BRWD1: variants seen among roughly 807,000 people sequenced by gnomAD.
The protein encoded by BRWD1 is bromodomain and WD repeat domain containing 1.
In BRWD1, 82 loss-of-function variants were observed where a neutral mutation model predicts 251.2. That is an observed-to-expected ratio of 0.33 (90% CI 0.27 to 0.39). The LOEUF (loss-of-function observed/expected upper bound fraction) is 0.39, where lower values mean the gene tolerates loss of function less well. Ranked by LOEUF, BRWD1 falls within the 10% of genes least tolerant of loss-of-function variation. The pLI is 1.00. For synonymous variants in BRWD1, 918 were observed against 902.8 expected, an observed-to-expected ratio of 1.02 and a Z score of -0.30; for missense variants, 2,233 against 2,711.6, an observed-to-expected ratio of 0.82 and a Z score of 3.92.
intron 11 of BRWD1, 44 bp downstream of exon 11, chr21:39,277,207 G>C (rs1217094785): frequency 7.1e-7 from 1 of 1,405,196 alleles, no homozygotes; most frequent in Non-Finnish European, 9.9e-7. Flanking sequence ...AACAGGAATA[G>C]TATTAACAAT....
At chr21:39,244,921 A>AATATATATGTATATATATAT (rs2034126806) in intron 21 of BRWD1, among the ~76,000 whole-genome samples, 1 of 112,524 alleles carries the variant, frequency 8.9e-6, no homozygotes, top group Non-Finnish European at 1.9e-5. Context: ...CTTTGGAAGA[A>AATATATATGTATATATATAT]ATATATATAT....
intron 33 of BRWD1, among the ~76,000 whole-genome samples, chr21:39,213,269 C>T (rs930417083): frequency 1.1e-4 from 16 of 152,092 alleles, no homozygotes; most frequent in African/African-American, 3.9e-4. Context: ...ATATTCCACA[C>T]CTAAAGTTAT....
chr21:39,272,173 G>A (rs568679615), intron 13 of BRWD1, among the ~76,000 whole-genome samples: 21 of 151,754 alleles, frequency 1.4e-4, no homozygotes, highest in African/African-American at 4.3e-4. Flanking sequence ...GGTGGCTCAC[G>A]CCTGTAATCC....
chr21:39,316,875 G>A (rs887296168), upstream of BRWD1, among the ~76,000 whole-genome samples: 2 of 152,178 alleles, frequency 1.3e-5, no homozygotes, highest in African/African-American at 2.4e-5. Context: ...GGGGATTGAC[G>A]CTGCAGTGAC....
chr21:39,270,679 TAC>T (rs1392851723), intron 13 of BRWD1, among the ~76,000 whole-genome samples: 1 of 152,240 alleles, frequency 6.6e-6, no homozygotes, highest in Non-Finnish European at 1.5e-5. Flanking sequence ...AGGACACCAT[TAC>T]TGCTTATGAA....
At chr21:39,244,532 A>G (rs548140719) in intron 21 of BRWD1, among the ~76,000 whole-genome samples, 4 of 152,354 alleles carry the variant, frequency 2.6e-5, no homozygotes, top group African/African-American at 9.6e-5. Flanking sequence ...CCCAGGCATA[A>G]TAAAATGCAT....
At chr21:39,298,211 T>C in intron 5 of BRWD1, 1 of 1,189,436 alleles carries the variant, frequency 8.4e-7, no homozygotes, top group Non-Finnish European at 1.0e-6. Context: ...GCTTTTTAGC[T>C]TAACATCTAT....
At chr21:39,297,170 T>A in intron 5 of BRWD1, 1 of 985,410 alleles carries the variant, frequency 1.0e-6, no homozygotes, top group Non-Finnish European at 1.2e-6. Context: ...GAACATAGGT[T>A]TGAAGCAGTC....
chr21:39,184,201 C>T (rs1252300018), downstream of BRWD1: 1 of 152,204 alleles, frequency 6.6e-6, no homozygotes, highest in Admixed American at 6.5e-5. Flanking sequence ...GAGACCTTTA[C>T]TCTGGCAATA....
At chr21:39,276,379 T>C (rs553702826) in intron 11 of BRWD1, among the ~76,000 whole-genome samples, 166 bp from the exon 12 acceptor site, 1 of 152,316 alleles carries the variant, frequency 6.6e-6, no homozygotes, top group South Asian at 2.1e-4. Context: ...AAGTGAAGAC[T>C]AACTACAAAC....
intron 38 of BRWD1, among the ~76,000 whole-genome samples, chr21:39,201,018 C>G (rs1475339305): frequency 1.3e-5 from 2 of 152,148 alleles, no homozygotes; most frequent in Admixed American, 6.5e-5. Flanking sequence ...GGATCCATGT[C>G]TACTCCCTTC....
intron 18 of BRWD1, 36 bp downstream of exon 18, chr21:39,258,451 C>T: frequency 1.4e-6 from 2 of 1,479,186 alleles, no homozygotes; most frequent in Admixed American, 2.1e-5. Flanking sequence ...TTCAATGCAG[C>T]CATATTCAGG....
intron 37 of BRWD1, 142 bp downstream of exon 37, chr21:39,205,966 G>GGGGA: frequency 1.3e-6 from 1 of 750,094 alleles, no homozygotes; most frequent in Non-Finnish European, 2.1e-6. Flanking sequence ...TGTAGTCCCA[G>GGGGA]CTACTTGGGA....
chr21:39,199,736 T>C, intron 39 of BRWD1, 74 bp from the exon 40 acceptor site: 1 of 1,362,326 alleles, frequency 7.3e-7, no homozygotes, highest in Non-Finnish European at 9.9e-7. Flanking sequence ...ATTATTTTAA[T>C]GATTTTCTTC....
At chr21:39,221,154 TAA>T (rs35879682) in intron 29 of BRWD1, among the ~76,000 whole-genome samples, 15 of 109,874 alleles carry the variant, frequency 1.4e-4, no homozygotes, top group Non-Finnish European at 1.5e-4. Flanking sequence ...AACTACATCT[TAA>T]AAAAAAAAAA....
rs949397725 is a variant in BRWD1 at position 39,258,792 on chromosome 21, C to A, written c.1886-120G>T. On this transcript the variant is annotated intron_variant, in intron 17 of 40. Transcript: ENST00000342449. ...AGAATTTCCCATTTTTGAAAAATAA[C>A]CAGTTTAAAAAGATACTCTACATAT... The A allele has an allele frequency of 2.5e-5, 17 of 667,344 alleles. No individual in the cohort carries two copies. In the East Asian group the frequency reaches 5.2e-4, roughly 20 times the overall value. 41.3% of individuals were successfully genotyped at this position (667,344 alleles called of 1,614,324 possible).
At position 39,296,344 on chromosome 21, in the gene BRWD1, C is replaced by A; in HGVS notation, c.369G>T (p.Trp123Cys). Residue 123 changes from tryptophan to cysteine, a missense_variant, in exon 6 of 41, where the codon TGG becomes TGT. Physicochemically the swap from Trp to Cys is radical, Grantham distance 215 (BLOSUM62 -2). Around this residue, in one of 12 missense-constraint regions of BRWD1, gnomAD observed 185 missense variants for 260.6 expected, o/e 0.71. Transcript: ENST00000342449. The stretch of plus-strand genomic sequence containing the variant: ...GAAGAGCAGCAAAGGCAGAGCCCTT[C>A]CAAACTGTGTGCCTGCAGTCTTTAA... ...RTAKDCRHTV[W>C]KGSAFAALHR... 6.3e-7 allele frequency: 1 copy of A among 1,590,606 alleles called. No homozygotes were observed. The highest frequency in any genetic ancestry group is 8.5e-7 in the Non-Finnish European group (1 of 1,170,568).
chr21:39,240,074 CAAAA>C (rs2033937806), intron 21 of BRWD1, among the ~76,000 whole-genome samples: 1 of 151,484 alleles, frequency 6.6e-6, no homozygotes, highest in South Asian at 2.1e-4. Context: ...AACAAACAAA[CAAAA>C]AAATCAAGCC....
At chr21:39,243,610 A>AT (rs1019548671) in intron 21 of BRWD1, among the ~76,000 whole-genome samples, 11 of 150,052 alleles carry the variant, frequency 7.3e-5, no homozygotes, top group Admixed American at 1.3e-4. Context: ...CACCCAGCTA[A>AT]TTTTTTTTTT....
Sources: gnomAD v4.1 joint callset for allele counts (sites outside exome capture counted in the v4.1 genomes callset) on GRCh38, gnomAD v4.1.1 for gene constraint, gnomAD v4.1.1 regional missense constraint, MANE v1.5 for transcripts, NCBI Gene and HGNC (gene_info 2026-07-23, HGNC 2026-07-21) for gene names.